Variants in PHF20 observed in about 807,000 individuals in gnomAD.
PHF20 encodes the protein PHD finger protein 20, also known as glioma-expressed antigen 2.
In PHF20, 23 loss-of-function variants were observed where a neutral mutation model predicts 113.5. The ratio of observed to expected loss-of-function variants is 0.20; its 90% CI spans 0.15 to 0.29. The LOEUF is 0.29. Ranked by LOEUF, PHF20 falls within the 10% of genes least tolerant of loss-of-function variation. The pLI, the probability that PHF20 is intolerant of heterozygous loss-of-function variation, is 1.00. For synonymous variants in PHF20, 434 were observed against 457.3 expected (o/e 0.95, Z 0.65); for missense variants, 943 against 1,219.6 (o/e 0.77, Z 3.38).
At chr20:35,818,750 TGGTCTCA>T (rs2042118409) in intron 2 of PHF20, among the ~76,000 whole-genome samples, 1 of 152,120 alleles carries the variant, frequency 6.6e-6, no homozygotes, top group African/African-American at 2.4e-5. Context: ...TTGCTTAGGC[TGGTCTCA>T]AACTCCAGGG....
intron 9 of PHF20, among the ~76,000 whole-genome samples, chr20:35,873,172 C>T (rs1263471685): frequency 6.6e-6 from 1 of 150,878 alleles, no homozygotes; most frequent in Non-Finnish European, 1.5e-5. Context: ...TTGATCTCCA[C>T]TCACTTCAAC....
chr20:35,924,058 A>G (rs1199003920), intron 13 of PHF20, among the ~76,000 whole-genome samples: 1 of 152,074 alleles, frequency 6.6e-6, no homozygotes, highest in Non-Finnish European at 1.5e-5. Context: ...GCCCTGCCTA[A>G]AAGTTACCAT....
At chr20:35,904,767 C>CTTCCT (rs1555799924) in intron 10 of PHF20, among the ~76,000 whole-genome samples, 2 of 125,614 alleles carry the variant, frequency 1.6e-5, no homozygotes, top group Non-Finnish European at 3.2e-5. Context: ...GATTTCTTTT[C>CTTCCT]TCCTTCCTTC....
intron 5 of PHF20, among the ~76,000 whole-genome samples, chr20:35,861,191 T>A (rs1250264754): frequency 6.6e-6 from 1 of 151,860 alleles, no homozygotes; most frequent in Non-Finnish European, 1.5e-5. Flanking sequence ...GCCTTATAAA[T>A]GTTTTGATAG....
chr20:35,857,969 G>A (rs1378617791), intron 4 of PHF20, among the ~76,000 whole-genome samples: 1 of 152,148 alleles, frequency 6.6e-6, no homozygotes, highest in Admixed American at 6.5e-5. Context: ...GAATAAATAA[G>A]TCTGCATTTT....
intron 3 of PHF20, among the ~76,000 whole-genome samples, chr20:35,843,524 A>T (rs76435999): frequency 2.0e-5 from 3 of 147,806 alleles, no homozygotes; most frequent in Admixed American, 6.7e-5. Context: ...TCCATCTCAA[A>T]AAAAAAAAAA....
intron 9 of PHF20, among the ~76,000 whole-genome samples, chr20:35,893,717 T>C (rs6060671): frequency 0.26 from 39,406 of 151,442 alleles, 6,134 homozygotes; most frequent in African/African-American, 0.44. Flanking sequence ...CAGGTTCAAG[T>C]GATTCTCCTG....
Position 35,939,185 on chromosome 20 carries a change from A to G in PHF20, c.2712+77A>G, listed in dbSNP as rs549440002. 1.7e-5 allele frequency: 24 copies of G among 1,377,742 alleles called. No homozygotes were observed. The African/African-American group carries it at 3.2e-4, about 18-fold the overall frequency. 85.3% of individuals were successfully genotyped at this position (1,377,742 alleles called of 1,614,324 possible). On this transcript the variant is annotated intron_variant, in intron 16 of 17. Transcript: ENST00000374012. ...GTTATCCTCCTAGTTTGAATGCTCTATGGAAGATATTTATTAATAAAACTG... is the reference window on the plus strand; with the variant it reads ...GTTATCCTCCTAGTTTGAATGCTCTGTGGAAGATATTTATTAATAAAACTG...
At chr20:35,803,398 A>T (rs2041821212) in intron 2 of PHF20, among the ~76,000 whole-genome samples, 1 of 149,580 alleles carries the variant, frequency 6.7e-6, no homozygotes, top group Non-Finnish European at 1.5e-5. Context: ...ATCTCGGCTC[A>T]CTGCAGTCTT....
intron 1 of PHF20, among the ~76,000 whole-genome samples, chr20:35,784,213 C>T (rs936097732): frequency 4.0e-5 from 6 of 151,586 alleles, no homozygotes; most frequent in Non-Finnish European, 7.4e-5. Context: ...GCCACCACGC[C>T]CGGCTAATTT....
chr20:35,776,437 G>T (rs1469945030), intron 1 of PHF20, among the ~76,000 whole-genome samples: 3 of 152,192 alleles, frequency 2.0e-5, no homozygotes, highest in African/African-American at 4.8e-5. Flanking sequence ...CTTTGATGGT[G>T]ATCATGCTTT....
chr20:35,936,282 G>C (rs769679229), intron 15 of PHF20, among the ~76,000 whole-genome samples: 7 of 152,322 alleles, frequency 4.6e-5, no homozygotes, highest in Middle Eastern at 3.4e-3. Context: ...CTGATACCCT[G>C]TCTGGAGGTA....
chr20:35,926,507 G>A (rs1269181418), intron 13 of PHF20, among the ~76,000 whole-genome samples: 1 of 152,002 alleles, frequency 6.6e-6, no homozygotes, highest in African/African-American at 2.4e-5. Flanking sequence ...CCAAAGTGCT[G>A]GGATTACAAG....
intron 1 of PHF20, among the ~76,000 whole-genome samples, chr20:35,799,337 A>G (rs1265961838): frequency 6.8e-6 from 1 of 147,346 alleles, no homozygotes; most frequent in Non-Finnish European, 1.5e-5. Context: ...GTGCTGACGC[A>G]TGCCTGTGAT....
chr20:35,877,148 G>T (rs981935793), intron 9 of PHF20, among the ~76,000 whole-genome samples: 1 of 147,982 alleles, frequency 6.8e-6, no homozygotes, highest in Non-Finnish European at 1.5e-5. Flanking sequence ...AAATTTGCTG[G>T]GCATGGTGGT....
chr20:35,928,705 T>C (rs1326848337), intron 14 of PHF20: 1 of 152,228 alleles, frequency 6.6e-6, no homozygotes, highest in African/African-American at 2.4e-5. Context: ...CTCATGAGGA[T>C]GGGCGTGTGG....
intron 11 of PHF20, among the ~76,000 whole-genome samples, 167 bp downstream of exon 11, chr20:35,913,514 T>C (rs938657900): frequency 6.6e-6 from 1 of 152,196 alleles, no homozygotes; most frequent in African/African-American, 2.4e-5. Context: ...AGGGGAGGCA[T>C]CCACTCACCC....
At chr20:35,818,262 A>G (rs2042111130) in intron 2 of PHF20, among the ~76,000 whole-genome samples, 1 of 152,094 alleles carries the variant, frequency 6.6e-6, no homozygotes, top group African/African-American at 2.4e-5. Flanking sequence ...GTGACAGAGC[A>G]AGACTCCGTC....
At chr20:35,827,034 G>T (rs1270792215) in intron 2 of PHF20, among the ~76,000 whole-genome samples, 3 of 152,120 alleles carry the variant, frequency 2.0e-5, no homozygotes, top group African/African-American at 7.2e-5. Context: ...TCCAGCAAAG[G>T]CTGGTGATGG....
Sources: gnomAD v4.1 joint callset for allele counts (sites outside exome capture counted in the v4.1 genomes callset) on GRCh38, gnomAD v4.1.1 for gene constraint, MANE v1.5 for transcripts, NCBI Gene and HGNC (gene_info 2026-07-23, HGNC 2026-07-21) for gene names.